TDRD7: variants seen among roughly 807,000 people sequenced by gnomAD.
TDRD7 encodes the protein tudor domain containing 7.
A neutral mutation model predicts 109.8 loss-of-function variants in TDRD7; 47 were observed. The ratio of observed to expected loss-of-function variants is 0.43; its 90% CI spans 0.34 to 0.55. The LOEUF is 0.55. Ranked by LOEUF, TDRD7 falls within the 20% of genes least tolerant of loss-of-function variation. The pLI is 0.03. For missense variants in TDRD7, 1,164 were observed against 1,319.2 expected, an observed-to-expected ratio of 0.88 and a Z score of 1.82; for synonymous variants, 424 against 457.3, an observed-to-expected ratio of 0.93 and a Z score of 0.93.
chr9:97,423,583 C>G (rs1449232675), intron 1 of TDRD7, among the ~76,000 whole-genome samples: 1 of 151,936 alleles, frequency 6.6e-6, no homozygotes, highest in Non-Finnish European at 1.5e-5. Context: ...ATATAAATTT[C>G]TCTTTTTGTT....
Position 97,412,426 on chromosome 9 carries a change from T to C in TDRD7, c.-7+188T>C, listed in dbSNP as rs1204321029. Among the ~76,000 whole-genome samples, 1 of 152,110 alleles carries C rather than the reference T, an allele frequency of 6.6e-6. No homozygotes were observed. Among genetic ancestry groups the C allele is most frequent in the Non-Finnish European group, 1.5e-5 (1 of 67,988 alleles). ...CCGCCCCGACGCCTGGGAACCGGGC[T>C]GGGCGCCGGGGGAGTTGGAGTTCCA... On this transcript the variant is annotated intron_variant, in intron 1 of 16. Transcript: ENST00000355295. The surrounding 1 kb of genome is among the most constrained non-coding windows in gnomAD (Gnocchi z 4.3).
intron 16 of TDRD7, among the ~76,000 whole-genome samples, chr9:97,495,221 A>T (rs948954101): frequency 6.6e-6 from 1 of 152,192 alleles, no homozygotes; most frequent in Admixed American, 6.5e-5. Flanking sequence ...TGCTGTGTAT[A>T]ATTTTAAATA....
intron 16 of TDRD7, among the ~76,000 whole-genome samples, chr9:97,489,781 T>C (rs1829269783): frequency 6.6e-6 from 1 of 152,222 alleles, no homozygotes; most frequent in African/African-American, 2.4e-5. Flanking sequence ...TTTTAAGTAA[T>C]GCCACTTTCT....
intron 4 of TDRD7, 111 bp downstream of exon 4, chr9:97,432,349 A>G (rs938562745): frequency 5.3e-6 from 5 of 945,592 alleles, no homozygotes; most frequent in Non-Finnish European, 8.4e-6. Flanking sequence ...GTTCACATAT[A>G]GTAGAGACAT....
In TDRD7 at chr9:97,483,076, C is replaced by A; in HGVS notation, c.2640C>A (p.Asn880Lys). 6.2e-7 allele frequency: 1 copy of A among 1,614,136 alleles called. No individual in the cohort carries two copies. Among genetic ancestry groups the A allele is most frequent in the South Asian group, 1.1e-5 (1 of 91,084 alleles). Residue 880 changes from asparagine to lysine, a missense_variant, in exon 15 of 17, where the codon AAC becomes AAA. Coordinates refer to ENST00000355295, the MANE Select transcript of TDRD7 (RefSeq NM_014290.3). ...ACACTGGAGAGAATTTCAGAAAGAA[C>A]CTCACAGATGTCATCAAAAAGTCCA... Reference protein sequence around the residue: ...SGNTGENFRKNLTDVIKKSMV... With the variant: ...SGNTGENFRKKLTDVIKKSMV...
rs144477083 is a variant in TDRD7, at chr9:97,428,654, G to C, written c.189G>C (p.Glu63Asp). 376 of 1,613,690 alleles carry C rather than the reference G, an allele frequency of 2.3e-4. 1 individual carries two copies. The highest frequency in any genetic ancestry group is 2.3e-4 in the Non-Finnish European group (274 of 1,179,926). The change falls in exon 2 of 17, where the codon GAG becomes GAC. Residue 63 changes from glutamate (E) to aspartate (D), a missense_variant. Physicochemically the swap from Glu to Asp is conservative, Grantham distance 45. Around this residue, in one of 5 missense-constraint regions of TDRD7, gnomAD observed 101 missense variants for 148.5 expected, o/e 0.68. Coordinates refer to ENST00000355295, the MANE Select transcript of TDRD7 (RefSeq NM_014290.3). The part of the protein sequence containing the change: ...LRSVPAVVRI[E>D]TSRSGEITCY... Reference sequence around the variant, plus strand: ...GTGTGCCAGCAGTGGTCAGGATAGAGACTAGTAGATCTGGAGAGGTAAGAA... The same window carrying C: ...GTGTGCCAGCAGTGGTCAGGATAGACACTAGTAGATCTGGAGAGGTAAGAA...
chr9:97,447,629 C>T (rs1206275437), intron 6 of TDRD7, among the ~76,000 whole-genome samples: 7 of 152,080 alleles, frequency 4.6e-5, no homozygotes, highest in Admixed American at 3.3e-4. Flanking sequence ...AAATAAACTC[C>T]AAGCCAAAGA....
chr9:97,473,604 T>C lies in TDRD7; in HGVS notation c.2057T>C (p.Ile686Thr), dbSNP rs1828959773. 6.2e-7 allele frequency: 1 copy of C among 1,613,764 alleles called. No individual in the cohort carries two copies. Among genetic ancestry groups the C allele is most frequent in the Non-Finnish European group, 8.5e-7 (1 of 1,179,742 alleles). The change falls in exon 11 of 17, where the codon ATA becomes ACA. Residue 686 changes from isoleucine (I) to threonine (T), a missense_variant. Around this residue, in one of 5 missense-constraint regions of TDRD7, gnomAD observed 261 missense variants for 336.2 expected, o/e 0.78. Coordinates refer to ENST00000355295, the MANE Select transcript of TDRD7 (RefSeq NM_014290.3). ...AAGCTCAGTGACCTTCTACGTAAGA[T>C]AGAGGACTACTTCCATTGCAAGGTA... is the stretch of plus-strand genomic sequence containing the variant. ...LNKLSDLLRK[I>T]EDYFHCKHMT...
At chr9:97,427,442 T>C (rs1828018687) in intron 1 of TDRD7, among the ~76,000 whole-genome samples, 1 of 152,220 alleles carries the variant, frequency 6.6e-6, no homozygotes, top group Non-Finnish European at 1.5e-5. Context: ...GAGGTCCATC[T>C]GTAACCTTGT....
intron 6 of TDRD7, among the ~76,000 whole-genome samples, chr9:97,445,459 G>A (rs1156554062): frequency 6.6e-6 from 1 of 152,198 alleles, no homozygotes; most frequent in East Asian, 1.9e-4. Flanking sequence ...TGAAGGAGAA[G>A]TACAGGATGC....
chr9:97,441,647 T>C lies in TDRD7; in HGVS notation c.638-11T>C, dbSNP rs1424576970. The C allele has an allele frequency of 1.3e-6, 2 of 1,578,374 alleles. No individual in the cohort carries two copies. Among genetic ancestry groups the C allele is most frequent in the Non-Finnish European group, 1.7e-6 (2 of 1,157,784 alleles). ...CATTTTGGTTAATTCTATTATTTTT[T>C]TAATTTAAAGATAATTTAAATCAGA... is the stretch of plus-strand genomic sequence containing the variant. On this transcript the variant is annotated splice_polypyrimidine_tract_variant and intron_variant, in intron 5 of 16. Transcript: ENST00000355295.
At chr9:97,465,470 C>T (rs1404234338) in intron 8 of TDRD7, among the ~76,000 whole-genome samples, 1 of 152,204 alleles carries the variant, frequency 6.6e-6, no homozygotes, top group Non-Finnish European at 1.5e-5. Flanking sequence ...CAGCGTAGCC[C>T]TCTCCACCCT....
At chr9:97,456,914 A>G (rs1828622757) in intron 6 of TDRD7, among the ~76,000 whole-genome samples, 1 of 152,196 alleles carries the variant, frequency 6.6e-6, no homozygotes, top group Admixed American at 6.5e-5. Context: ...TTTGCAAACT[A>G]CCCATCTGAC....
At chr9:97,450,235 A>AT (rs908845641) in intron 6 of TDRD7, among the ~76,000 whole-genome samples, 5 of 152,116 alleles carry the variant, frequency 3.3e-5, no homozygotes, top group African/African-American at 7.2e-5. Flanking sequence ...GGACTGATGG[A>AT]TTTTTTGGGT....
At chr9:97,436,890 T>A (rs181867116) in intron 4 of TDRD7, among the ~76,000 whole-genome samples, 71 of 152,284 alleles carry the variant, frequency 4.7e-4, no homozygotes, top group African/African-American at 1.6e-3. Context: ...GGGCTTTCCA[T>A]TCAGAATAAT....
intron 6 of TDRD7, among the ~76,000 whole-genome samples, chr9:97,449,740 C>A (rs1828460213): frequency 6.6e-6 from 1 of 152,116 alleles, no homozygotes; most frequent in South Asian, 2.1e-4. Flanking sequence ...AATGGTGGGG[C>A]CAAAAGTTTC....
At chr9:97,466,630 T>A (rs1828826334) in intron 8 of TDRD7, among the ~76,000 whole-genome samples, 1 of 152,198 alleles carries the variant, frequency 6.6e-6, no homozygotes, top group South Asian at 2.1e-4. Flanking sequence ...AATTAACTAC[T>A]GATATAAATA....
chr9:97,466,605 T>C (rs1197581494), intron 8 of TDRD7, among the ~76,000 whole-genome samples: 7 of 152,208 alleles, frequency 4.6e-5, no homozygotes, highest in Non-Finnish European at 2.9e-5. Flanking sequence ...TAGAACACTG[T>C]TAACAATACA....
chr9:97,450,901 G>C (rs35404333), intron 6 of TDRD7, among the ~76,000 whole-genome samples: 38,318 of 151,340 alleles, frequency 0.25, 4,924 homozygotes, highest in Middle Eastern at 0.29. Context: ...TCCAAAGTTA[G>C]GTCTCTTTTT....
Sources: gnomAD v4.1 joint callset for allele counts (sites outside exome capture counted in the v4.1 genomes callset) on GRCh38, gnomAD v4.1.1 for gene constraint, gnomAD v4.1.1 regional missense constraint, Gnocchi (gnomAD v3.1) non-coding constraint, MANE v1.5 for transcripts, NCBI Gene and HGNC (gene_info 2026-07-23, HGNC 2026-07-21) for gene names.